Variants in TNFRSF10B observed in about 807,000 individuals in gnomAD.
TNFRSF10B encodes the protein TNF receptor superfamily member 10b, also known as tumor necrosis factor receptor superfamily member 10B.
Under a neutral mutation model 41.4 loss-of-function variants are expected in TNFRSF10B, and 35 were observed. That is an observed-to-expected ratio of 0.85 (90% CI 0.65 to 1.12). TNFRSF10B has a LOEUF of 1.12. Among genes scored for constraint, TNFRSF10B ranks in the 50% most tolerant of loss-of-function variants. The probability of loss-of-function intolerance (pLI) is 0.00; values close to 1 mark genes in which losing one functional copy is unlikely to be tolerated. For missense variants in TNFRSF10B, 584 were observed against 552.7 expected, an observed-to-expected ratio of 1.06 and a Z score of -0.57; for synonymous variants, 230 against 215.5, an observed-to-expected ratio of 1.07 and a Z score of -0.59.
chr8:23,023,089 G>A (rs2128810631), intron 8 of TNFRSF10B, 105 bp from the exon 9 acceptor site: 7 of 1,427,980 alleles, frequency 4.9e-6, no homozygotes, highest in South Asian at 2.4e-5. Flanking sequence ...GGAGAGCCCC[G>A]TGTGCGGGCA....
At chr8:23,030,087 G>C (rs1051048662) in intron 3 of TNFRSF10B, among the ~76,000 whole-genome samples, 1 of 152,174 alleles carries the variant, frequency 6.6e-6, no homozygotes, top group African/African-American at 2.4e-5. Flanking sequence ...CAGCCTGCTG[G>C]GGAGGAGGGA....
chr8:23,051,753 C>A (rs1812525003), intron 1 of TNFRSF10B, among the ~76,000 whole-genome samples: 1 of 152,034 alleles, frequency 6.6e-6, no homozygotes, highest in Admixed American at 6.6e-5. Flanking sequence ...TCATGTTAGC[C>A]AGGATGGTCT....
intron 1 of TNFRSF10B, among the ~76,000 whole-genome samples, chr8:23,057,565 T>C (rs1409712285): frequency 6.6e-6 from 1 of 151,930 alleles, no homozygotes; most frequent in Non-Finnish European, 1.5e-5. Flanking sequence ...CCCCAGTAGC[T>C]GGGATTACAG....
At chr8:23,054,344 ACTTTT>A (rs1421533682) in intron 1 of TNFRSF10B, among the ~76,000 whole-genome samples, 36 of 152,198 alleles carry the variant, frequency 2.4e-4, no homozygotes, top group Admixed American at 2.4e-3. Context: ...AGGCAAGGAA[ACTTTT>A]CTTTTGAGCT....
chr8:23,040,344 A>T lies in TNFRSF10B; in HGVS notation c.250+2794T>A, dbSNP rs111307792. 4.0e-3 allele frequency among the ~76,000 whole-genome samples: 149 copies of T among 36,880 alleles called. 6 individuals carry two copies. Among genetic ancestry groups the T allele is most frequent in the South Asian group, 0.015 (13 of 882 alleles). The allele number at this position is 36,880 out of a possible 152,430, so 24.2% of individuals were successfully genotyped here. A position where few individuals can be genotyped will look rare whatever the true frequency, so the allele number is the denominator to read the frequency against. On this transcript the variant is annotated intron_variant, in intron 2 of 8. Transcript: ENST00000276431. ...ATATATACAAAATATATATTTATTA[A>T]ATATATACAAAATATATATTTAATA...
chr8:23,029,658 G>A lies in TNFRSF10B; in HGVS notation c.428C>T (p.Thr143Ile), dbSNP rs1367098533. The A allele has an allele frequency of 1.9e-6, 3 of 1,613,672 alleles. No individual in the cohort carries two copies. The highest frequency in any genetic ancestry group is 1.3e-5 in the African/African-American group (1 of 74,846). Residue 143 changes from threonine to isoleucine, a missense_variant, in exon 4 of 9, where the codon ACC becomes ATC. Transcript: ENST00000276431. ...CTCAGGAGAATCTTCTTCCCGGAAG[G>A]TGCCTTCTTCGCACTGACACACTGT... ...RNTVCQCEEG[T>I]FREEDSPEMC...
intron 1 of TNFRSF10B, among the ~76,000 whole-genome samples, chr8:23,062,244 A>G (rs1179765839): frequency 6.6e-6 from 1 of 152,076 alleles, no homozygotes; most frequent in Non-Finnish European, 1.5e-5. Flanking sequence ...TCTTTGAGAC[A>G]GAGTCTCACT....
intron 1 of TNFRSF10B, among the ~76,000 whole-genome samples, chr8:23,059,777 G>T (rs1812777352): frequency 6.6e-6 from 1 of 152,200 alleles, no homozygotes; most frequent in African/African-American, 2.4e-5. Context: ...CTCCCAAAGT[G>T]TGGGGATTAC....
chr8:23,031,583 C>T (rs932727683), intron 2 of TNFRSF10B, among the ~76,000 whole-genome samples: 5 of 151,494 alleles, frequency 3.3e-5, no homozygotes, highest in Non-Finnish European at 5.9e-5. Context: ...TTTGTAGAGA[C>T]GAGGTTTCAC....
intron 2 of TNFRSF10B, among the ~76,000 whole-genome samples, chr8:23,032,269 G>A (rs1811906220): frequency 6.6e-6 from 1 of 152,120 alleles, no homozygotes; most frequent in South Asian, 2.1e-4. Context: ...TTCTGAATGA[G>A]CTCCTAGCCA....
chr8:23,038,827 C>G (rs951572544), intron 2 of TNFRSF10B, among the ~76,000 whole-genome samples: 1 of 151,964 alleles, frequency 6.6e-6, no homozygotes, highest in Non-Finnish European at 1.5e-5. Context: ...GCAGGGGTCT[C>G]CAACATTTTT....
At chr8:23,055,713 A>G (rs1361341041) in intron 1 of TNFRSF10B, among the ~76,000 whole-genome samples, 3 of 152,044 alleles carry the variant, frequency 2.0e-5, no homozygotes, top group Non-Finnish European at 4.4e-5. Context: ...GCCTCCACAA[A>G]CAAGGGTATT....
chr8:23,050,475 C>T (rs550007083), intron 1 of TNFRSF10B, among the ~76,000 whole-genome samples: 1 of 152,178 alleles, frequency 6.6e-6, no homozygotes, highest in South Asian at 2.1e-4. Context: ...TGTGTGCGCA[C>T]GGGGGCGTGA....
chr8:23,067,872 G>A (rs1432150095), intron 1 of TNFRSF10B, among the ~76,000 whole-genome samples: 2 of 152,196 alleles, frequency 1.3e-5, no homozygotes, highest in Non-Finnish European at 2.9e-5. Flanking sequence ...TCCCCACTCT[G>A]AGCTGCGGTC....
At position 23,041,537 on chromosome 8, in the gene TNFRSF10B, G is replaced by GTCAA. The variant is rs529569494; in HGVS notation, c.250+1597_250+1600dup. Among the ~76,000 whole-genome samples the GTCAA allele has an allele frequency of 1.7e-3, 246 of 147,364 alleles. 9 individuals carry two copies. In the South Asian group the frequency reaches 0.024, roughly 14 times the overall value. On this transcript the variant is annotated intron_variant, in intron 2 of 8. Transcript: ENST00000276431. ...ACAGAGTGAAATCCTATCTCAATCA[G>GTCAA]TCAATCAATCAATCAATCAATGTAT...
chr8:23,029,976 G>A (rs1811831140), intron 3 of TNFRSF10B, among the ~76,000 whole-genome samples: 1 of 152,338 alleles, frequency 6.6e-6, no homozygotes, highest in East Asian at 1.9e-4. Context: ...CCGTTTAGGG[G>A]ACAAGCATCG....
chr8:23,052,075 C>CT (rs1812534941), intron 1 of TNFRSF10B, among the ~76,000 whole-genome samples: 1 of 151,956 alleles, frequency 6.6e-6, no homozygotes. Flanking sequence ...TTAATGACAA[C>CT]TATCGCAGTT....
At chr8:23,053,481 TAAAATA>T (rs71206566) in intron 1 of TNFRSF10B, among the ~76,000 whole-genome samples, 34,543 of 151,984 alleles carry the variant, frequency 0.23, 4,133 homozygotes, top group Non-Finnish European at 0.25. Context: ...TTAAGTTGGA[TAAAATA>T]AAAATGAAAG....
chr8:23,023,070 G>A (rs1382853829), intron 8 of TNFRSF10B, 86 bp from the exon 9 acceptor site: 19 of 1,527,322 alleles, frequency 1.2e-5, no homozygotes, highest in East Asian at 7.0e-5. Flanking sequence ...AACCCAAGGC[G>A]GGGAACCTGG....
Sources: gnomAD v4.1 joint callset for allele counts (sites outside exome capture counted in the v4.1 genomes callset) on GRCh38, gnomAD v4.1.1 for gene constraint, MANE v1.5 for transcripts, NCBI Gene and HGNC (gene_info 2026-07-23, HGNC 2026-07-21) for gene names.